The following IQCM variants were observed in gnomAD, a reference collection of about 807,000 sequenced individuals.
IQCM encodes the protein IQ domain-containing protein M.
Under a neutral mutation model 57.6 loss-of-function variants are expected in IQCM, and 45 were observed. The ratio of observed to expected loss-of-function variants is 0.78; its 90% CI spans 0.62 to 1.00. IQCM has a LOEUF of 1.00. Ranked by LOEUF, IQCM falls within the 50% of genes least tolerant of loss-of-function variation. The pLI is 0.00. For missense variants in IQCM, 468 were observed against 511.6 expected, an observed-to-expected ratio of 0.91 and a Z score of 0.82; for synonymous variants, 148 against 158.9, an observed-to-expected ratio of 0.93 and a Z score of 0.51.
chr4:149,527,468 C>T (rs1375511095), intron 12 of IQCM, among the ~76,000 whole-genome samples: 2 of 152,190 alleles, frequency 1.3e-5, no homozygotes, highest in Non-Finnish European at 2.9e-5. Flanking sequence ...AGCAAGAAGG[C>T]TGCCATCTGC....
chr4:149,588,713 C>G (rs1229951879), intron 8 of IQCM, among the ~76,000 whole-genome samples: 1 of 151,810 alleles, frequency 6.6e-6, no homozygotes, highest in Non-Finnish European at 1.5e-5. Context: ...AAACCAACCC[C>G]ACGGACACCT....
intron 5 of IQCM, among the ~76,000 whole-genome samples, chr4:149,732,872 G>A (rs926451946): frequency 2.0e-5 from 3 of 152,132 alleles, no homozygotes; most frequent in Non-Finnish European, 4.4e-5. Flanking sequence ...GAGGAAACAC[G>A]CTCACGAGTA....
At chr4:149,516,653 G>A (rs1242125608) in intron 12 of IQCM, among the ~76,000 whole-genome samples, 1 of 152,134 alleles carries the variant, frequency 6.6e-6, no homozygotes, top group Non-Finnish European at 1.5e-5. Context: ...ATGGGGCCAG[G>A]AATCAAGGGG....
At chr4:149,354,161 G>A (rs890063313) in intron 13 of IQCM, among the ~76,000 whole-genome samples, 3 of 150,810 alleles carry the variant, frequency 2.0e-5, no homozygotes, top group Admixed American at 6.6e-5. Context: ...TCAGGAGATC[G>A]AGACCATCCC....
At chr4:149,575,398 G>A (rs767758656) in intron 9 of IQCM, among the ~76,000 whole-genome samples, 2 of 151,698 alleles carry the variant, frequency 1.3e-5, no homozygotes, top group Non-Finnish European at 2.9e-5. Context: ...AGTACTTCAC[G>A]CTAGTAAAAC....
At chr4:149,407,988 T>C (rs891982706) in intron 13 of IQCM, among the ~76,000 whole-genome samples, 51 of 152,170 alleles carry the variant, frequency 3.4e-4, no homozygotes, top group Admixed American at 3.2e-3. Context: ...GTTTTCTCTA[T>C]AGCCTCACCA....
intron 13 of IQCM, among the ~76,000 whole-genome samples, chr4:149,376,268 A>G (rs1730695673): frequency 1.3e-5 from 2 of 152,148 alleles, no homozygotes; most frequent in Non-Finnish European, 2.9e-5. Flanking sequence ...GTTTTTCAAT[A>G]AAGTAGGGTT....
intron 12 of IQCM, among the ~76,000 whole-genome samples, chr4:149,534,383 C>G (rs1264807065): frequency 6.6e-6 from 1 of 152,040 alleles, no homozygotes; most frequent in Non-Finnish European, 1.5e-5. Flanking sequence ...GTTGTTAATG[C>G]CGATAGGCAT....
At chr4:149,580,168 A>T (rs528180093) in intron 9 of IQCM, among the ~76,000 whole-genome samples, 1 of 151,700 alleles carries the variant, frequency 6.6e-6, no homozygotes, top group South Asian at 2.1e-4. Context: ...AAAAGATCTC[A>T]TAAAGAAAAT....
At chr4:149,355,470 A>C (rs962549873) in intron 13 of IQCM, among the ~76,000 whole-genome samples, 1 of 135,124 alleles carries the variant, frequency 7.4e-6, no homozygotes, top group African/African-American at 2.8e-5. Context: ...TTCAATTCCC[A>C]CCTATGACTG....
At chr4:149,487,235 G>C (rs1187087324) in intron 12 of IQCM, among the ~76,000 whole-genome samples, 1 of 152,136 alleles carries the variant, frequency 6.6e-6, no homozygotes, top group Non-Finnish European at 1.5e-5. Context: ...CCAGGAACTA[G>C]AACCTGGAAC....
intron 12 of IQCM, among the ~76,000 whole-genome samples, chr4:149,452,540 G>A (rs997090043): frequency 2.0e-5 from 3 of 151,454 alleles, no homozygotes; most frequent in Non-Finnish European, 3.0e-5. Flanking sequence ...GATATATATG[G>A]TTAAATTGAT....
intron 13 of IQCM, among the ~76,000 whole-genome samples, chr4:149,422,992 A>G (rs1734217774): frequency 6.6e-6 from 1 of 152,096 alleles, no homozygotes; most frequent in Non-Finnish European, 1.5e-5. Context: ...ATAGGACATT[A>G]TAGTTGATCA....
chr4:149,674,102 A>G (rs1296713675), intron 7 of IQCM, among the ~76,000 whole-genome samples: 1 of 152,130 alleles, frequency 6.6e-6, no homozygotes, highest in Non-Finnish European at 1.5e-5. Context: ...AGAGTTGTTC[A>G]CCATATTCTC....
At chr4:149,549,914 C>G (rs755724185) in intron 11 of IQCM, among the ~76,000 whole-genome samples, 6 of 152,148 alleles carry the variant, frequency 3.9e-5, no homozygotes, top group Non-Finnish European at 8.8e-5. Context: ...ATTTGAGATC[C>G]TAAAACACAG....
At chr4:149,385,709 C>A (rs890190425) in intron 13 of IQCM, among the ~76,000 whole-genome samples, 1 of 152,006 alleles carries the variant, frequency 6.6e-6, no homozygotes, top group Non-Finnish European at 1.5e-5. Flanking sequence ...AATCTTGACT[C>A]CTCCATTATT....
chr4:149,558,923 G>A (rs1020749982), intron 10 of IQCM, among the ~76,000 whole-genome samples: 13 of 152,172 alleles, frequency 8.5e-5, no homozygotes, highest in Non-Finnish European at 1.0e-4. Flanking sequence ...TAAACTCAGT[G>A]TTGAAAACTG....
At chr4:149,515,261 A>G (rs1744837161) in intron 12 of IQCM, among the ~76,000 whole-genome samples, 1 of 152,076 alleles carries the variant, frequency 6.6e-6, no homozygotes, top group East Asian at 1.9e-4. Context: ...ACTATGGGTC[A>G]TCAAGTCACC....
At chr4:149,650,054 T>A (rs898270263) in intron 7 of IQCM, among the ~76,000 whole-genome samples, 3 of 152,150 alleles carry the variant, frequency 2.0e-5, no homozygotes, top group Non-Finnish European at 4.4e-5. Context: ...GTAGGCCCCA[T>A]GTTATGGGGC....
Sources: allele counts gnomAD v4.1 joint callset (sites outside exome capture counted in the v4.1 genomes callset), GRCh38; gene constraint gnomAD v4.1.1; transcripts MANE v1.5; gene names NCBI Gene and HGNC (gene_info 2026-07-23, HGNC 2026-07-21).